VWA5B1: variants seen among roughly 807,000 people sequenced by gnomAD.
VWA5B1 encodes the protein von Willebrand factor A domain-containing protein 5B1.
In VWA5B1, 115 loss-of-function variants were observed where a neutral mutation model predicts 118.2. That is an observed-to-expected ratio of 0.97 (90% CI 0.84 to 1.14). The LOEUF (loss-of-function observed/expected upper bound fraction) is 1.14. VWA5B1 is among the 50% of genes most tolerant of loss of function. The pLI is 0.00. For synonymous variants in VWA5B1, 682 were observed against 658.4 expected (o/e 1.04, Z -0.55); for missense variants, 1,596 against 1,603.8 (o/e 1.00, Z 0.08).
At chr1:20,321,810 C>G (rs2100884910) in intron 7 of VWA5B1, among the ~76,000 whole-genome samples, 1 of 152,150 alleles carries the variant, frequency 6.6e-6, no homozygotes, top group Middle Eastern at 3.4e-3. Flanking sequence ...TTTTGGAAAA[C>G]AGGAAGAAGG....
intron 1 of VWA5B1, among the ~76,000 whole-genome samples, chr1:20,297,480 T>C (rs1490373613): frequency 6.6e-6 from 1 of 152,218 alleles, no homozygotes; most frequent in Non-Finnish European, 1.5e-5. Context: ...TCAAGGAAGC[T>C]GGGAGCTGCA....
At position 20,357,336 on chromosome 1, in the gene VWA5B1, G is replaced by A. The variant is rs2090247707; in HGVS notation, c.*3073G>A. Among the ~76,000 whole-genome samples, 1 of 152,244 alleles carries A rather than the reference G, an allele frequency of 6.6e-6. No homozygotes were observed. Among genetic ancestry groups the A allele is most frequent in the Admixed American group, 6.5e-5 (1 of 15,288 alleles). On this transcript the variant is annotated 3_prime_UTR_variant, in exon 22 of 22. Coordinates refer to ENST00000289815, the MANE Select transcript of VWA5B1 (RefSeq NM_001039500.3). ...TTCCAACCCTGTTCCTCACTTAGAT[G>A]AGACGTGAATAAGCAACCTATGAGA...
At position 20,312,912 on chromosome 1, in the gene VWA5B1, A is replaced by T; in HGVS notation, c.216A>T (p.Thr72=). The change falls in exon 3 of 22, where the codon ACA becomes ACT. Residue 72 remains threonine, a synonymous_variant. Coordinates refer to ENST00000289815, the MANE Select transcript of VWA5B1 (RefSeq NM_001039500.3). The part of the protein sequence containing the change: ...FEAVIADRVV[T]VQIKDKAKLE... ...CAGTCATTGCCGACCGTGTCGTGAC[A>T]GTACAGATCAAGGACAAAGCCAAGC... 1 of 1,551,690 alleles carries T rather than the reference A, an allele frequency of 6.4e-7. No individual in the cohort carries two copies. Among genetic ancestry groups the T allele is most frequent in the Non-Finnish European group, 8.7e-7 (1 of 1,146,998 alleles).
intron 1 of VWA5B1, among the ~76,000 whole-genome samples, chr1:20,304,243 G>A (rs1206579217): frequency 6.6e-6 from 1 of 152,204 alleles, no homozygotes; most frequent in Non-Finnish European, 1.5e-5. Flanking sequence ...AAGCCCGGAG[G>A]AGAGCGTGTC....
chr1:20,352,000 C>G (rs1311886462), intron 20 of VWA5B1, 55 bp from the exon 21 acceptor site: 1 of 1,414,044 alleles, frequency 7.1e-7, no homozygotes, highest in Non-Finnish European at 9.7e-7. Context: ...TCAGGGGCTT[C>G]TGGGTGGGCA....
intron 13 of VWA5B1, 144 bp downstream of exon 13, chr1:20,336,630 C>G: frequency 9.9e-7 from 1 of 1,007,774 alleles, no homozygotes; most frequent in East Asian, 3.2e-5. Context: ...GAAATTGAGA[C>G]TTGGAGAATT....
chr1:20,342,967 T>G, intron 15 of VWA5B1, 112 bp from the exon 16 acceptor site: 1 of 1,432,966 alleles, frequency 7.0e-7, no homozygotes, highest in Non-Finnish European at 9.2e-7. Context: ...GGAGATGGAG[T>G]GGGTTGTACT....
intron 6 of VWA5B1, among the ~76,000 whole-genome samples, chr1:20,318,972 A>G (rs1006057066): frequency 6.6e-6 from 1 of 152,168 alleles, no homozygotes; most frequent in Non-Finnish European, 1.5e-5. Context: ...CCATCGGGGC[A>G]CTTTACCCCC....
chr1:20,300,615 T>C (rs2088485780), intron 1 of VWA5B1, among the ~76,000 whole-genome samples: 1 of 152,234 alleles, frequency 6.6e-6, no homozygotes, highest in South Asian at 2.1e-4. Context: ...TTTCCTCTTC[T>C]GCAAAATGGG....
In VWA5B1 at chr1:20,359,216, G is replaced by C. The variant is rs1338656887; in HGVS notation, c.*4953G>C. On this transcript the variant is annotated 3_prime_UTR_variant, in exon 22 of 22. Transcript: ENST00000289815. ...CTTTGGCTCAAGTGGCATGGCTGGT[G>C]CTTGTCCCCATCAGAGCCTCAAGTG... Among the ~76,000 whole-genome samples the C allele has an allele frequency of 6.6e-6, 1 of 152,202 alleles. No individual in the cohort carries two copies. Among genetic ancestry groups the C allele is most frequent in the Non-Finnish European group, 1.5e-5 (1 of 68,038 alleles).
At chr1:20,352,246 C>T in intron 21 of VWA5B1, 74 bp downstream of exon 21, 1 of 1,101,946 alleles carries the variant, frequency 9.1e-7, no homozygotes. Context: ...GATCCCCCTG[C>T]CCACCTCTCC....
At chr1:20,317,792 AG>A (rs113320881) in intron 5 of VWA5B1, 117 bp downstream of exon 5, 11 of 1,299,814 alleles carry the variant, frequency 8.5e-6, no homozygotes, top group African/African-American at 7.6e-5. Context: ...GACCTACTAA[AG>A]TACACAAAGC....
rs752978078 is a variant in VWA5B1, at chr1:20,332,979, C to T, written c.1758+28C>T. On this transcript the variant is annotated intron_variant, in intron 12 of 21. Transcript: ENST00000289815. ...AAGTATCCTAGAAATTCCACGGGTC[C>T]GTGTGGGCCCAGAACCCATGCCTAC... 3.7e-5 allele frequency: 58 copies of T among 1,549,366 alleles called. No homozygotes were observed. The Middle Eastern group carries it at 6.7e-4, about 18-fold the overall frequency.
At chr1:20,298,011 T>TG (rs1163611906) in intron 1 of VWA5B1, among the ~76,000 whole-genome samples, 1 of 146,600 alleles carries the variant, frequency 6.8e-6, no homozygotes, top group Admixed American at 6.8e-5. Flanking sequence ...TTTTTTTTTT[T>TG]TTTTTTTGTT....
chr1:20,297,987 C>T (rs976695596), intron 1 of VWA5B1, among the ~76,000 whole-genome samples: 1 of 127,672 alleles, frequency 7.8e-6, no homozygotes, highest in African/African-American at 2.9e-5. Flanking sequence ...TTTCATGACT[C>T]GGTGGTGGAT....
rs371383279 is a variant in VWA5B1 at position 20,337,817 on chromosome 1, G to A, written c.2114G>A (p.Arg705Gln). 32 of 1,551,622 alleles carry A rather than the reference G, an allele frequency of 2.1e-5. No homozygotes were observed. The East Asian group carries it at 3.4e-4, about 17-fold the overall frequency. The change falls in exon 14 of 22, where the codon CGG becomes CAG. Residue 705 changes from arginine (R) to glutamine (Q), a missense_variant. Transcript: ENST00000289815. Reference sequence around the variant, plus strand: ...AACCAGACCAGCCTGGATGTCCAGCGGTGGCAGATTGATTTGCAGGTACCC... The same window carrying A: ...AACCAGACCAGCCTGGATGTCCAGCAGTGGCAGATTGATTTGCAGGTACCC... ...LTNQTSLDVQ[R>Q]WQIDLQPLLN...
At chr1:20,327,814 A>C in intron 8 of VWA5B1, 76 bp from the exon 9 acceptor site, 2 of 1,239,064 alleles carry the variant, frequency 1.6e-6, no homozygotes, top group South Asian at 2.6e-5. Flanking sequence ...GTGCTGGGAA[A>C]GGGAATATTG....
At chr1:20,309,807 G>A (rs946505658) in intron 1 of VWA5B1, among the ~76,000 whole-genome samples, 29 of 152,106 alleles carry the variant, frequency 1.9e-4, no homozygotes, top group African/African-American at 7.0e-4. Flanking sequence ...GGCAGAGGTG[G>A]TGGTGGCCTG....
chr1:20,345,695 G>C, intron 17 of VWA5B1, 102 bp downstream of exon 17: 3 of 1,425,072 alleles, frequency 2.1e-6, no homozygotes, highest in East Asian at 5.2e-5. Context: ...AGCAGGGAGC[G>C]GGGTGAGACA....
Sources: gnomAD v4.1 joint callset for allele counts (sites outside exome capture counted in the v4.1 genomes callset) on GRCh38, gnomAD v4.1.1 for gene constraint, MANE v1.5 for transcripts, NCBI Gene and HGNC (gene_info 2026-07-23, HGNC 2026-07-21) for gene names.